Variants in ZNF34 observed in about 807,000 individuals in gnomAD.
ZNF34 encodes zinc finger protein 34 (KOX 32).
In ZNF34, 8 loss-of-function variants were observed where a neutral mutation model predicts 14.4. The observed-to-expected ratio is 0.55, with a 90% CI of 0.33 to 1.00. ZNF34 has a LOEUF of 1.00. Among genes scored for constraint, ZNF34 ranks in the 50% least tolerant of loss-of-function variants. The pLI, the probability that ZNF34 is intolerant of heterozygous loss-of-function variation, is 0.03. For missense variants in ZNF34, 538 were observed against 674.2 expected, an observed-to-expected ratio of 0.80 and a Z score of 2.24; for synonymous variants, 235 against 247.9, an observed-to-expected ratio of 0.95 and a Z score of 0.49.
At chr8:144,780,153 C>T (rs1351175899) in intron 2 of ZNF34, 75 bp downstream of exon 2, 3 of 1,150,934 alleles carry the variant, frequency 2.6e-6, no homozygotes, top group Admixed American at 2.0e-5. Flanking sequence ...GCTGTGATCG[C>T]ACCACTGCAC....
chr8:144,774,336 C>A lies in ZNF34; in HGVS notation c.550G>T (p.Glu184Ter). 6.2e-7 allele frequency: 1 copy of A among 1,612,054 alleles called. No homozygotes were observed. Among genetic ancestry groups the A allele is most frequent in the South Asian group, 1.1e-5 (1 of 90,848 alleles). ...HKCDICEQSF[E>*]QRSYLNNHKR... ...TGGTTGTTGAGATATGATCTCTGTT[C>A]AAAACTTTGCTCACATATATCACAT... Residue 184 changes from glutamate to a stop codon, truncating the protein, a stop_gained, in exon 6 of 6, where the codon GAA (glutamate) becomes TAA (stop). Coordinates refer to ENST00000429371, the MANE Select transcript of ZNF34 (RefSeq NM_001286769.2). LOFTEE classifies it low-confidence loss of function (END_TRUNC).
Sources: allele counts gnomAD v4.1 joint callset, GRCh38; gene constraint gnomAD v4.1.1; transcripts MANE v1.5; gene names NCBI Gene and HGNC (gene_info 2026-07-23, HGNC 2026-07-21).